Variants in SNX27 observed in about 807,000 individuals in gnomAD.
SNX27 encodes the protein sorting nexin-27.
SNX27 carries 22 observed loss-of-function variants against 71.6 expected under a neutral mutation model. That is an observed-to-expected ratio of 0.31 (90% confidence interval 0.22 to 0.44). The LOEUF is 0.44. Among genes scored for constraint, SNX27 ranks in the 20% least tolerant of loss-of-function variants. The probability of loss-of-function intolerance (pLI) is 1.00; values close to 1 mark genes in which losing one functional copy is unlikely to be tolerated. For missense variants in SNX27, 531 were observed against 698.6 expected (o/e 0.76, Z 2.70); for synonymous variants, 269 against 277.2 (o/e 0.97, Z 0.29).
intron 8 of SNX27, among the ~76,000 whole-genome samples, chr1:151,689,621 T>A (rs1223595171): frequency 6.6e-6 from 1 of 152,212 alleles, no homozygotes; most frequent in Non-Finnish European, 1.5e-5. Flanking sequence ...TCAACAGATG[T>A]GCTGTATGTA....
At chr1:151,652,047 C>G (rs1669416700) in intron 2 of SNX27, among the ~76,000 whole-genome samples, 1 of 152,156 alleles carries the variant, frequency 6.6e-6, no homozygotes. Context: ...CAAAACCAGT[C>G]AGGTGTGGCG....
In SNX27 at chr1:151,612,713, G is replaced by A. The variant is rs576144920; in HGVS notation, c.311+201G>A. Among the ~76,000 whole-genome samples, 1 of 151,338 alleles carries A rather than the reference G, an allele frequency of 6.6e-6. No homozygotes were observed. Among genetic ancestry groups the A allele is most frequent in the Admixed American group, 6.6e-5 (1 of 15,208 alleles). ...CCCGCCCCGGGGCTTCTGCGACGCC[G>A]GTCTCCCACCCCGTCGTCTCCAGCT... is the stretch of plus-strand genomic sequence containing the variant. On this transcript the variant is annotated intron_variant, in intron 1 of 11. Transcript: ENST00000458013. This position sits in a 1 kb window ranked among gnomAD's most constrained non-coding sequence, Gnocchi z 5.2.
chr1:151,651,942 G>C (rs1245373380), intron 2 of SNX27, among the ~76,000 whole-genome samples: 1 of 152,114 alleles, frequency 6.6e-6, no homozygotes, highest in Admixed American at 6.5e-5. Flanking sequence ...GACTCCGTCT[G>C]CAATCCCGGC....
intron 7 of SNX27, among the ~76,000 whole-genome samples, chr1:151,681,025 C>A (rs1280796078): frequency 6.6e-6 from 1 of 152,090 alleles, no homozygotes; most frequent in African/African-American, 2.4e-5. Flanking sequence ...GCAGGACATT[C>A]ATATCCTTGT....
chr1:151,637,154 T>TTG, intron 1 of SNX27, among the ~76,000 whole-genome samples: 1 of 22,308 alleles, frequency 4.5e-5, no homozygotes, highest in South Asian at 5.3e-4. Flanking sequence ...GTTGATCACG[T>TTG]TTTTTTTGTT....
In SNX27 at chr1:151,612,396, G is replaced by A; in HGVS notation, c.195G>A (p.Gly65=). Residue 65 remains glycine (G), a synonymous_variant, in exon 1 of 12, where the codon GGG becomes GGA. Transcript: ENST00000458013. The surrounding 1 kb of genome is among the most constrained non-coding windows in gnomAD (Gnocchi z 5.2). ...TGCGGGGCCAAGTGAGCGAGGGCGG[G>A]CAACTGCGGAGCATCAACGGGGAGC... The part of the protein sequence containing the change: ...FNVRGQVSEG[G]QLRSINGELY... 6.6e-7 allele frequency: 1 copy of A among 1,525,800 alleles called. No individual in the cohort carries two copies. Among genetic ancestry groups the A allele is most frequent in the Non-Finnish European group, 8.8e-7 (1 of 1,139,002 alleles). The allele number at this position is 1,525,800 out of a possible 1,614,324, so 94.5% of individuals were successfully genotyped here.
chr1:151,618,701 C>T (rs751452597), intron 1 of SNX27, among the ~76,000 whole-genome samples: 1 of 152,166 alleles, frequency 6.6e-6, no homozygotes, highest in Non-Finnish European at 1.5e-5. Flanking sequence ...AGACACTTAA[C>T]AATTTATGAT....
At chr1:151,693,352 A>C (rs1309506185) in intron 10 of SNX27, 72 bp from the exon 11 acceptor site, 2 of 1,400,088 alleles carry the variant, frequency 1.4e-6, no homozygotes, top group Non-Finnish European at 2.0e-6. Flanking sequence ...GACTGGGGAC[A>C]GGAGTTCAAA....
At chr1:151,629,914 C>T (rs1394045754) in intron 1 of SNX27, among the ~76,000 whole-genome samples, 9 of 150,890 alleles carry the variant, frequency 6.0e-5, no homozygotes, top group African/African-American at 2.4e-5. Flanking sequence ...TTTGTGAGGC[C>T]AGCCTGATCA....
intron 7 of SNX27, chr1:151,679,750 T>C (rs1483184453): frequency 6.6e-6 from 1 of 152,234 alleles, no homozygotes; most frequent in Non-Finnish European, 1.5e-5. Context: ...TACATATTTA[T>C]AATAATGCAG....
At chr1:151,665,077 T>G (rs936352881) in intron 5 of SNX27, among the ~76,000 whole-genome samples, 1 of 152,194 alleles carries the variant, frequency 6.6e-6, no homozygotes, top group African/African-American at 2.4e-5. Flanking sequence ...ACTGAGATAC[T>G]AATAATCAAC....
At chr1:151,681,235 C>CT (rs762924986) in intron 7 of SNX27, among the ~76,000 whole-genome samples, 2,467 of 60,638 alleles carry the variant, frequency 0.041, 255 homozygotes, top group Non-Finnish European at 0.058. Flanking sequence ...GTCTCTCAAT[C>CT]TTTTTTTTTT....
At chr1:151,692,821 C>T in intron 9 of SNX27, 90 bp from the exon 10 acceptor site, 1 of 1,552,266 alleles carries the variant, frequency 6.4e-7, no homozygotes, top group Non-Finnish European at 8.8e-7. Flanking sequence ...ATTCATTTCT[C>T]TTCTGTCTCC....
At chr1:151,621,485 C>T (rs998879962) in intron 1 of SNX27, among the ~76,000 whole-genome samples, 20 of 152,164 alleles carry the variant, frequency 1.3e-4, no homozygotes, top group Non-Finnish European at 2.2e-4. Context: ...TGTGTCAAAC[C>T]TCAGAGCAAG....
At chr1:151,641,613 A>ATATATATG (rs1397785388) in intron 2 of SNX27, among the ~76,000 whole-genome samples, 4 of 126,792 alleles carry the variant, frequency 3.2e-5, no homozygotes, top group Non-Finnish European at 6.3e-5. Context: ...ATATATATAT[A>ATATATATG]TATATATATA....
intron 8 of SNX27, among the ~76,000 whole-genome samples, chr1:151,687,185 T>G (rs1671220759): frequency 6.6e-6 from 1 of 152,238 alleles, no homozygotes; most frequent in East Asian, 1.9e-4. Flanking sequence ...AATTATGCTT[T>G]TCTTATGTTG....
chr1:151,674,324 C>T (rs983469384), intron 7 of SNX27, among the ~76,000 whole-genome samples: 3 of 152,050 alleles, frequency 2.0e-5, no homozygotes, highest in South Asian at 2.1e-4. Flanking sequence ...AAAAAGAAAA[C>T]GAATAAAGGC....
rs2102676987 is a variant in SNX27, at chr1:151,658,378, A to G, written c.687A>G (p.Glu229=). ...GGAAGTGGCCATTTTCATTATCAGAACAACAATTAGATGCCCGACGTCGGG... is the reference window on the plus strand; with the variant it reads ...GGAAGTGGCCATTTTCATTATCAGAGCAACAATTAGATGCCCGACGTCGGG... ...LPGKWPFSLS[E]QQLDARRRGL... is the part of the protein sequence containing the mutation. The change falls in exon 3 of 12, where the codon GAA becomes GAG. Residue 229 remains glutamate (E), a synonymous_variant. Transcript: ENST00000458013. 6.2e-7 allele frequency: 1 copy of G among 1,614,090 alleles called. No homozygotes were observed. The highest frequency in any genetic ancestry group is 2.2e-5 in the East Asian group (1 of 44,874).
rs73000037 is a variant in SNX27 at position 151,622,499 on chromosome 1, T to G, written c.311+9987T>G. ...ATCAAAATTTTTTTTCCTTTGATGA[T>G]TTACTTGACTTGCAAACCAAGGTTA... On this transcript the variant is annotated intron_variant, in intron 1 of 11. Transcript: ENST00000458013. 2.8e-3 allele frequency among the ~76,000 whole-genome samples: 427 copies of G among 152,322 alleles called. 6 individuals carry two copies. The highest frequency in any genetic ancestry group is 9.8e-3 in the African/African-American group (406 of 41,574).
Sources: allele counts gnomAD v4.1 joint callset (sites outside exome capture counted in the v4.1 genomes callset), GRCh38; gene constraint gnomAD v4.1.1; non-coding constraint Gnocchi (gnomAD v3.1); transcripts MANE v1.5; gene names NCBI Gene and HGNC (gene_info 2026-07-23, HGNC 2026-07-21).